Variants in RIGI observed in about 807,000 individuals in gnomAD.
The protein encoded by RIGI is RNA sensor RIG-I, also known as antiviral innate immune response receptor RIG-I.
the RIGI span, chr9:32,476,946 G>A: frequency 6.5e-7 from 1 of 1,550,116 alleles, no homozygotes; most frequent in East Asian, 2.2e-5. Flanking sequence ...AATAGTGCTG[G>A]GTCCATTTGT....
the RIGI span, chr9:32,480,217 A>C: frequency 6.3e-7 from 1 of 1,592,302 alleles, no homozygotes; most frequent in Non-Finnish European, 8.6e-7. Flanking sequence ...AACACCACTC[A>C]CCTTCAAATC....
the RIGI span, among the ~76,000 whole-genome samples, chr9:32,523,215 T>A: frequency 6.6e-6 from 1 of 152,182 alleles, no homozygotes; most frequent in South Asian, 2.1e-4. Flanking sequence ...GTGATTGGCT[T>A]TATGTGCAGC....
chr9:32,506,318 C>A, the RIGI span, among the ~76,000 whole-genome samples: 58 of 152,238 alleles, frequency 3.8e-4, no homozygotes, highest in African/African-American at 1.3e-3. Flanking sequence ...CTGTACTAAC[C>A]CTCCATCGAT....
At chr9:32,478,041 G>GTT in the RIGI span, among the ~76,000 whole-genome samples, 18 of 151,354 alleles carry the variant, frequency 1.2e-4, no homozygotes, top group African/African-American at 4.2e-4. Flanking sequence ...TGTTTTATCG[G>GTT]TTTTTGTTTT....
At chr9:32,471,148 C>T in the RIGI span, among the ~76,000 whole-genome samples, 290 of 152,344 alleles carry the variant, frequency 1.9e-3, 1 homozygote, top group African/African-American at 6.9e-3. Flanking sequence ...ATCCCAGCTA[C>T]TTGGGAGGCT....
chr9:32,485,392 TC>T, the RIGI span: 5 of 752,200 alleles, frequency 6.6e-6, no homozygotes, highest in East Asian at 1.3e-4. Flanking sequence ...CTTTGATACT[TC>T]CTCTGAAAAA....
chr9:32,498,018 G>A, the RIGI span, among the ~76,000 whole-genome samples: 1 of 152,176 alleles, frequency 6.6e-6, no homozygotes, highest in Non-Finnish European at 1.5e-5. Context: ...TGCTTTCTCT[G>A]ATGAGAAACA....
chr9:32,461,842 T>A, the RIGI span, among the ~76,000 whole-genome samples: 4 of 152,220 alleles, frequency 2.6e-5, no homozygotes, highest in South Asian at 2.1e-4. Flanking sequence ...TATTATTTTA[T>A]ATAAACTCTA....
the RIGI span, among the ~76,000 whole-genome samples, chr9:32,521,740 G>T: frequency 6.6e-6 from 1 of 151,960 alleles, no homozygotes. Context: ...GTATAGATGT[G>T]CTATTAATAT....
chr9:32,481,273 G>T, the RIGI span: 1 of 1,478,980 alleles, frequency 6.8e-7, no homozygotes, highest in South Asian at 1.3e-5. Flanking sequence ...ATGTTATCTT[G>T]GCTTCCACGG....
the RIGI span, chr9:32,500,968 A>G: frequency 6.2e-7 from 1 of 1,611,204 alleles, no homozygotes; most frequent in Non-Finnish European, 8.5e-7. Flanking sequence ...ATGACTCATC[A>G]AACTGCAGAA....
At chr9:32,491,160 T>C in the RIGI span, 2 of 895,702 alleles carry the variant, frequency 2.2e-6, no homozygotes, top group African/African-American at 3.4e-5. Context: ...AAGTATCTAT[T>C]GTAACATAAA....
the RIGI span, among the ~76,000 whole-genome samples, chr9:32,495,091 G>T: frequency 6.6e-6 from 1 of 152,088 alleles, no homozygotes; most frequent in Non-Finnish European, 1.5e-5. Flanking sequence ...ATTTTTTGAG[G>T]GACTGCCATA....
chr9:32,481,529 G>C, the RIGI span: 32 of 1,409,236 alleles, frequency 2.3e-5, no homozygotes, highest in Non-Finnish European at 2.8e-5. Context: ...GTTTTTCACT[G>C]TCTCATATGG....
chr9:32,521,161 A>AAAAAAAAAAAAC, the RIGI span, among the ~76,000 whole-genome samples: 15 of 150,740 alleles, frequency 1.0e-4, no homozygotes, highest in African/African-American at 3.2e-4. Flanking sequence ...AAAAAAAAAA[A>AAAAAAAAAAAAC]ACTTCACAGA....
chr9:32,493,909 C>G, the RIGI span: 1 of 1,606,304 alleles, frequency 6.2e-7, no homozygotes, highest in Non-Finnish European at 8.5e-7. Context: ...TTTGAAATCC[C>G]AACTTTCAAT....
chr9:32,472,897 A>G, the RIGI span: 239,068 of 732,540 alleles, frequency 0.33, 43,159 homozygotes, highest in East Asian at 0.75. Context: ...ATATATATAC[A>G]CACACACATA....
the RIGI span, among the ~76,000 whole-genome samples, chr9:32,497,695 C>T: frequency 6.6e-6 from 1 of 152,134 alleles, no homozygotes; most frequent in African/African-American, 2.4e-5. Context: ...TGCAGTGAGC[C>T]GAGATTGCGC....
At chr9:32,481,606 G>GACTCT in the RIGI span, 3 of 819,076 alleles carry the variant, frequency 3.7e-6, no homozygotes, top group Non-Finnish European at 5.5e-6. Context: ...TTTTCCTCGA[G>GACTCT]GCAGAGTCTC....
Sources: allele counts gnomAD v4.1 joint callset (sites outside exome capture counted in the v4.1 genomes callset), GRCh38; gene constraint gnomAD v4.1.1; transcripts MANE v1.5; gene names NCBI Gene and HGNC (gene_info 2026-07-23, HGNC 2026-07-21).